The following EIF2S2 variants were observed in gnomAD, a reference collection of about 807,000 sequenced individuals.
The protein encoded by EIF2S2 is eukaryotic translation initiation factor 2 subunit beta.
In EIF2S2, 4 loss-of-function variants were observed where a neutral mutation model predicts 44.0. The observed-to-expected ratio is 0.09, with a 90% CI of 0.04 to 0.21. The LOEUF (loss-of-function observed/expected upper bound fraction) is 0.21, where lower values mean the gene tolerates loss of function less well. EIF2S2 is among the 10% of genes least tolerant of loss of function. The pLI, the probability that EIF2S2 is intolerant of heterozygous loss-of-function variation, is 1.00. For missense variants in EIF2S2, 154 were observed against 392.0 expected (o/e 0.39, Z 5.13); for synonymous variants, 108 against 128.3 (o/e 0.84, Z 1.07).
At chr20:34,101,099 T>C (rs371321444) in intron 3 of EIF2S2, among the ~76,000 whole-genome samples, 1 of 152,238 alleles carries the variant, frequency 6.6e-6, no homozygotes, top group South Asian at 2.1e-4. Context: ...AAAGCTCAGA[T>C]TCGGGATCCC....
At chr20:34,111,405 G>A (rs1294250204) in intron 1 of EIF2S2, among the ~76,000 whole-genome samples, 1 of 152,162 alleles carries the variant, frequency 6.6e-6, no homozygotes, top group Non-Finnish European at 1.5e-5. Flanking sequence ...GAAATTCACT[G>A]AGATCCAAGT....
intron 1 of EIF2S2, among the ~76,000 whole-genome samples, chr20:34,109,174 C>CT (rs927510881): frequency 5.1e-4 from 76 of 148,928 alleles, no homozygotes; most frequent in East Asian, 1.8e-3. Context: ...GAATCAAATA[C>CT]TTTTTTTTTT....
At position 34,088,786 on chromosome 20, in the gene EIF2S2, G is replaced by A. The variant is rs534133749; in HGVS notation, c.*944C>T. ...GAGCACCACACAAGCAGCATTTCTTGGTTTCTCATGGTCATATTCAAAAGC... is the reference window on the plus strand; with the variant it reads ...GAGCACCACACAAGCAGCATTTCTTAGTTTCTCATGGTCATATTCAAAAGC... On this transcript the variant is annotated 3_prime_UTR_variant, in exon 9 of 9. Coordinates refer to ENST00000374980, the MANE Select transcript of EIF2S2 (RefSeq NM_003908.5). 11 of 152,268 alleles carry A rather than the reference G, an allele frequency of 7.2e-5. No individual in the cohort carries two copies. The highest frequency in any genetic ancestry group is 2.2e-4 in the African/African-American group (9 of 41,542). 9.4% of individuals were successfully genotyped at this position (152,268 alleles called of 1,614,324 possible).
chr20:34,110,925 T>C (rs1402686693), intron 1 of EIF2S2, among the ~76,000 whole-genome samples: 1 of 152,196 alleles, frequency 6.6e-6, no homozygotes, highest in Non-Finnish European at 1.5e-5. Flanking sequence ...TCCTAGTCAA[T>C]CTGGAATTCT....
At position 34,098,291 on chromosome 20, in the gene EIF2S2, A is replaced by T. The variant is rs1464647981; in HGVS notation, c.433+207T>A. ...GGTTATAGTAATTTTCCCAAGCCTG[A>T]ATCAGTATGTTTTTAATGTAATCAC... On this transcript the variant is annotated intron_variant, in intron 4 of 8. Coordinates refer to ENST00000374980, the MANE Select transcript of EIF2S2 (RefSeq NM_003908.5). Among the ~76,000 whole-genome samples, 4 of 152,252 alleles carry T rather than the reference A, an allele frequency of 2.6e-5. No individual in the cohort carries two copies. The South Asian group carries it at 6.2e-4, about 24-fold the overall frequency.
At chr20:34,099,461 T>C (rs1301991788) in intron 3 of EIF2S2, among the ~76,000 whole-genome samples, 3 of 152,332 alleles carry the variant, frequency 2.0e-5, no homozygotes, top group Non-Finnish European at 4.4e-5. Flanking sequence ...AAGAAGTTTC[T>C]AAGTGATTTT....
At chr20:34,096,000 C>A (rs2034224207) in intron 6 of EIF2S2, among the ~76,000 whole-genome samples, 1 of 152,158 alleles carries the variant, frequency 6.6e-6, no homozygotes, top group Non-Finnish European at 1.5e-5. Flanking sequence ...AAGAAAGATA[C>A]AATCTCATCA....
intron 5 of EIF2S2, among the ~76,000 whole-genome samples, chr20:34,097,115 A>T (rs1228797376): frequency 6.6e-6 from 1 of 152,218 alleles, no homozygotes; most frequent in Non-Finnish European, 1.5e-5. Flanking sequence ...CAAACTCCAG[A>T]CTACCCTGGC....
At chr20:34,111,877 C>G (rs953885707) in intron 1 of EIF2S2, among the ~76,000 whole-genome samples, 3 of 152,252 alleles carry the variant, frequency 2.0e-5, no homozygotes, top group African/African-American at 7.2e-5. Context: ...CCAACCACGG[C>G]AGGAGGTCCG....
intron 3 of EIF2S2, among the ~76,000 whole-genome samples, chr20:34,098,909 A>T (rs547061801): frequency 3.9e-5 from 6 of 152,350 alleles, no homozygotes; most frequent in African/African-American, 1.4e-4. Flanking sequence ...GTTACAGATA[A>T]GAAACGCCTG....
chr20:34,093,062 T>C (rs1449312090), intron 7 of EIF2S2, among the ~76,000 whole-genome samples: 1 of 152,224 alleles, frequency 6.6e-6, no homozygotes, highest in African/African-American at 2.4e-5. Context: ...AGGTGCTCAA[T>C]ATGCATTAGT....
intron 3 of EIF2S2, among the ~76,000 whole-genome samples, chr20:34,102,973 C>A (rs1208433060): frequency 6.6e-6 from 1 of 152,168 alleles, no homozygotes; most frequent in Non-Finnish European, 1.5e-5. Flanking sequence ...CAAGTATCCA[C>A]AAGATCAGAG....
intron 8 of EIF2S2, 130 bp from the exon 9 acceptor site, chr20:34,090,035 G>A (rs2034144861): frequency 1.0e-6 from 1 of 955,696 alleles, no homozygotes; most frequent in Non-Finnish European, 1.6e-6. Flanking sequence ...CCCAGACCAG[G>A]GAAGCGCAGC....
intron 1 of EIF2S2, 53 bp from the exon 2 acceptor site, chr20:34,105,598 C>A: frequency 2.1e-6 from 3 of 1,446,144 alleles, no homozygotes; most frequent in Non-Finnish European, 1.8e-6. Context: ...TTTAATGATG[C>A]TCACATTCCA....
intron 2 of EIF2S2, among the ~76,000 whole-genome samples, chr20:34,104,662 C>T (rs1463505903): frequency 6.6e-6 from 1 of 152,192 alleles, no homozygotes; most frequent in Non-Finnish European, 1.5e-5. Flanking sequence ...TTCTGTTCAA[C>T]AAGTTTTCCA....
rs1386755414 is a variant in EIF2S2, at chr20:34,097,348, AT to A, written c.534+67del. On this transcript the variant is annotated intron_variant, in intron 5 of 8. Transcript: ENST00000374980. The stretch of plus-strand genomic sequence containing the variant: ...TTACTTCAACGGCCGTTCCAATAAG[AT>A]TTATCTTGCTCTTCTTTGAGCACTA... 10 of 1,354,910 alleles carry A rather than the reference AT, an allele frequency of 7.4e-6. No individual in the cohort carries two copies. The Admixed American group carries it at 1.3e-4, about 18-fold the overall frequency. The allele number at this position is 1,354,910 out of a possible 1,614,324, so 83.9% of individuals were successfully genotyped here. A position where few individuals can be genotyped will look rare whatever the true frequency, so the allele number is the denominator to read the frequency against.
intron 1 of EIF2S2, among the ~76,000 whole-genome samples, chr20:34,109,664 AAAAAC>A (rs2122442819): frequency 6.6e-6 from 1 of 152,288 alleles, no homozygotes; most frequent in East Asian, 1.9e-4. Context: ...CTGTCTCTAA[AAAAAC>A]AAAACAACAA....
chr20:34,090,444 T>C, intron 8 of EIF2S2, 73 bp downstream of exon 8: 2 of 918,528 alleles, frequency 2.2e-6, no homozygotes, highest in South Asian at 2.1e-5. Context: ...TGCAATCAAA[T>C]GGCTCTTCCT....
rs1173919087 is a variant in EIF2S2 at position 34,111,462 on chromosome 20, G to A, written c.15+634C>T. On this transcript the variant is annotated intron_variant, in intron 1 of 8. Transcript: ENST00000374980. ...GCCAGTTTCACAGCCCGCACTTCCC[G>A]CTCACGTCGCCGGTAGCCCTCTGTT... 3.3e-5 allele frequency among the ~76,000 whole-genome samples: 5 copies of A among 152,170 alleles called. No homozygotes were observed. In the East Asian group the frequency reaches 9.6e-4, roughly 29 times the overall value.
Sources: allele counts gnomAD v4.1 joint callset (sites outside exome capture counted in the v4.1 genomes callset), GRCh38; gene constraint gnomAD v4.1.1; transcripts MANE v1.5; gene names NCBI Gene and HGNC (gene_info 2026-07-23, HGNC 2026-07-21).